PTPRD: variants seen among roughly 807,000 people sequenced by gnomAD.
The protein encoded by PTPRD is protein tyrosine phosphatase receptor type D, also known as receptor-type tyrosine-protein phosphatase delta.
A neutral mutation model predicts 214.5 loss-of-function variants in PTPRD; 34 were observed. The ratio of observed to expected loss-of-function variants is 0.16; its 90% CI spans 0.12 to 0.21. The LOEUF (loss-of-function observed/expected upper bound fraction) is 0.21, where lower values mean the gene tolerates loss of function less well. PTPRD is among the 10% of genes least tolerant of loss of function. PTPRD has a pLI of 1.00. For synonymous variants in PTPRD, 1,128 were observed against 845.7 expected (o/e 1.33, Z -5.79); for missense variants, 2,545 against 2,398.7 (o/e 1.06, Z -1.27).
At chr9:9,994,305 T>C (rs758931416) in intron 4 of PTPRD, among the ~76,000 whole-genome samples, 7 of 152,198 alleles carry the variant, frequency 4.6e-5, no homozygotes, top group Admixed American at 6.5e-5. Context: ...TTTTATCTTA[T>C]GGATATTAAA....
intron 8 of PTPRD, among the ~76,000 whole-genome samples, chr9:9,481,577 T>C (rs1358432387): frequency 6.6e-6 from 1 of 152,092 alleles, no homozygotes; most frequent in African/African-American, 2.4e-5. Flanking sequence ...TAAAAATAAA[T>C]ATATAATAGT....
chr9:9,869,687 TA>T (rs2153709393), intron 5 of PTPRD, among the ~76,000 whole-genome samples: 1 of 152,132 alleles, frequency 6.6e-6, no homozygotes, highest in South Asian at 2.1e-4. Context: ...GAGGATGGTT[TA>T]AATGTCATCA....
intron 9 of PTPRD, among the ~76,000 whole-genome samples, chr9:9,375,403 C>T (rs1428367735): frequency 6.6e-6 from 1 of 152,124 alleles, no homozygotes; most frequent in African/African-American, 2.4e-5. Flanking sequence ...CAAAACCAGC[C>T]TGACCAACAT....
intron 7 of PTPRD, among the ~76,000 whole-genome samples, chr9:9,589,832 G>C (rs918185624): frequency 1.3e-5 from 2 of 151,976 alleles, no homozygotes; most frequent in African/African-American, 4.8e-5. Flanking sequence ...GTCATTAGTA[G>C]ATGTTTGGAG....
At chr9:9,584,452 A>G (rs2091531128) in intron 7 of PTPRD, among the ~76,000 whole-genome samples, 1 of 151,778 alleles carries the variant, frequency 6.6e-6, no homozygotes, top group Admixed American at 6.6e-5. Flanking sequence ...ACAGTTACCT[A>G]ACCATTATAT....
chr9:10,173,596 C>A (rs1488124756), intron 3 of PTPRD, among the ~76,000 whole-genome samples: 6 of 151,970 alleles, frequency 3.9e-5, no homozygotes, highest in Non-Finnish European at 5.9e-5. Context: ...TTCCAAATAA[C>A]AATTGGCCCT....
chr9:10,415,328 A>C (rs1465912218), intron 2 of PTPRD, among the ~76,000 whole-genome samples: 2 of 151,884 alleles, frequency 1.3e-5, no homozygotes, highest in Non-Finnish European at 2.9e-5. Flanking sequence ...ATATATATGT[A>C]CAAACATACA....
intron 6 of PTPRD, among the ~76,000 whole-genome samples, chr9:9,760,524 A>G (rs532699983): frequency 7.3e-5 from 11 of 150,894 alleles, no homozygotes; most frequent in African/African-American, 2.4e-4. Context: ...CTTCGGACTT[A>G]TATGTACAGC....
chr9:9,613,193 TGTGGA>T (rs2094633435), intron 7 of PTPRD, among the ~76,000 whole-genome samples: 1 of 127,538 alleles, frequency 7.8e-6, no homozygotes, highest in Admixed American at 8.4e-5. Flanking sequence ...ATATGAAGCA[TGTGGA>T]ATAATTTTGA....
intron 38 of PTPRD, 75 bp downstream of exon 38, chr9:8,376,532 G>T (rs941506968): frequency 4.4e-6 from 7 of 1,591,588 alleles, no homozygotes; most frequent in Non-Finnish European, 6.0e-6. Context: ...AGCCTTAAGA[G>T]ATTTCATTTC....
rs76647575 is a variant in PTPRD, at chr9:8,494,659, A to C, written c.2350-1680T>G. Reference sequence around the variant, plus strand: ...CAAGAAATTATGCACTCTGAGACTTATATGTTTCTTATCATGAAATTGGAG... The same window carrying C: ...CAAGAAATTATGCACTCTGAGACTTCTATGTTTCTTATCATGAAATTGGAG... On this transcript the variant is annotated intron_variant, in intron 26 of 45. Coordinates refer to ENST00000381196, the MANE Select transcript of PTPRD (RefSeq NM_002839.4). Among the ~76,000 whole-genome samples the C allele has an allele frequency of 3.2e-4, 49 of 152,314 alleles. No homozygotes were observed. In the East Asian group the frequency reaches 9.4e-3, roughly 29 times the overall value.
chr9:9,243,018 T>C (rs186983168), intron 9 of PTPRD, among the ~76,000 whole-genome samples: 105 of 152,248 alleles, frequency 6.9e-4, no homozygotes, highest in Admixed American at 2.7e-3. Context: ...GATGGGGTTT[T>C]GGTGTGGATA....
intron 2 of PTPRD, among the ~76,000 whole-genome samples, chr9:10,437,736 C>G (rs1306557503): frequency 1.3e-5 from 2 of 151,176 alleles, no homozygotes; most frequent in Non-Finnish European, 3.0e-5. Context: ...TTCAAAAATT[C>G]CAACGATTCC....
intron 4 of PTPRD, among the ~76,000 whole-genome samples, chr9:10,022,959 A>G (rs2096852604): frequency 6.6e-6 from 1 of 152,202 alleles, no homozygotes; most frequent in African/African-American, 2.4e-5. Context: ...GGCTTTATAT[A>G]AAGCTGTCTT....
intron 3 of PTPRD, among the ~76,000 whole-genome samples, chr9:10,199,193 T>C (rs1377532796): frequency 6.6e-6 from 1 of 152,222 alleles, no homozygotes; most frequent in Admixed American, 6.6e-5. Flanking sequence ...TTATAATGTA[T>C]ATTTCCTCGT....
chr9:9,853,584 C>A (rs1268536160), intron 5 of PTPRD, among the ~76,000 whole-genome samples: 2 of 151,806 alleles, frequency 1.3e-5, no homozygotes, highest in Admixed American at 6.6e-5. Context: ...GAGTGTCACT[C>A]TGTTGCCAGG....
intron 2 of PTPRD, among the ~76,000 whole-genome samples, chr9:10,486,786 G>A (rs1305155512): frequency 6.6e-6 from 1 of 152,046 alleles, no homozygotes; most frequent in Non-Finnish European, 1.5e-5. Flanking sequence ...TGAAGCCATT[G>A]GTTAAAATGA....
chr9:8,645,256 T>C (rs561019757), intron 12 of PTPRD, among the ~76,000 whole-genome samples: 34 of 152,286 alleles, frequency 2.2e-4, no homozygotes, highest in Admixed American at 1.2e-3. Context: ...CAGGATCCAA[T>C]TGAAATCAGA....
chr9:8,509,568 T>C (rs1469949393), intron 21 of PTPRD, among the ~76,000 whole-genome samples: 2 of 152,198 alleles, frequency 1.3e-5, no homozygotes, highest in South Asian at 2.1e-4. Flanking sequence ...GGGATAATAA[T>C]TGCTTGTTAC....
Sources: allele counts gnomAD v4.1 joint callset (sites outside exome capture counted in the v4.1 genomes callset), GRCh38; gene constraint gnomAD v4.1.1; transcripts MANE v1.5; gene names NCBI Gene and HGNC (gene_info 2026-07-23, HGNC 2026-07-21).